Variants in TBX15 observed in about 807,000 individuals in gnomAD.
TBX15 encodes T-box transcription factor 15, also known as T-box transcription factor TBX15.
In TBX15, 18 loss-of-function variants were observed where a neutral mutation model predicts 53.9. That is an observed-to-expected ratio of 0.33 (90% CI 0.23 to 0.49). The LOEUF is 0.49. Among genes scored for constraint, TBX15 ranks in the 20% least tolerant of loss-of-function variants. The pLI, the probability that TBX15 is intolerant of heterozygous loss-of-function variation, is 0.98. For synonymous variants in TBX15, 295 were observed against 278.0 expected, an observed-to-expected ratio of 1.06 and a Z score of -0.61; for missense variants, 692 against 749.5, an observed-to-expected ratio of 0.92 and a Z score of 0.90.
At chr1:118,914,013 A>G (rs1391601134) in intron 6 of TBX15, 102 bp downstream of exon 6, 37 of 1,138,812 alleles carry the variant, frequency 3.2e-5, no homozygotes, top group Non-Finnish European at 4.9e-5. Flanking sequence ...GTGGCGGAGC[A>G]TACAGGTGTT....
At chr1:118,964,803 C>T (rs1656989945) in intron 1 of TBX15, among the ~76,000 whole-genome samples, 1 of 152,194 alleles carries the variant, frequency 6.6e-6, no homozygotes, top group African/African-American at 2.4e-5. Flanking sequence ...GTGGGAATAG[C>T]CAGCTGGAGT....
chr1:118,986,110 A>T (rs78424588), intron 1 of TBX15, among the ~76,000 whole-genome samples: 2,172 of 152,356 alleles, frequency 0.014, 44 homozygotes, highest in African/African-American at 0.05. Flanking sequence ...GGGAAAATAA[A>T]AGAACCTTAC....
At chr1:118,958,188 A>G (rs1204594247) in intron 1 of TBX15, among the ~76,000 whole-genome samples, 1 of 152,204 alleles carries the variant, frequency 6.6e-6, no homozygotes, top group Non-Finnish European at 1.5e-5. Flanking sequence ...ATGAAGTCAT[A>G]AGGGTAGGGG....
chr1:118,886,150 A>G (rs140486345), intron 7 of TBX15, among the ~76,000 whole-genome samples: 1 of 152,302 alleles, frequency 6.6e-6, no homozygotes, highest in African/African-American at 2.4e-5. Context: ...TGGGAACACA[A>G]TTATAAGAGC....
Position 118,885,168 on chromosome 1 carries a change from C to T in TBX15, c.1373G>A (p.Gly458Asp), listed in dbSNP as rs1434881935. ...ACCGTAGGCTTCCATCTTGCTGTTG[C>T]CAGGCAACGAGGGAGGAGTTGGTAT... is the stretch of plus-strand genomic sequence containing the variant. Reference protein sequence around the residue: ...SGIPTPPSLPGNSKMEAYGGQ... With the variant: ...SGIPTPPSLPDNSKMEAYGGQ... The change falls in exon 8 of 8, where the codon GGC (glycine) becomes GAC (aspartate). Residue 458 changes from glycine (G) to aspartate (D), a missense_variant. This residue lies in a region of TBX15 where 375 missense variants were observed against 371.6 expected (regional missense o/e 1.01). Transcript: ENST00000369429. The T allele has an allele frequency of 1.9e-6, 3 of 1,614,142 alleles. No individual in the cohort carries two copies. Among genetic ancestry groups the T allele is most frequent in the Admixed American group, 1.7e-5 (1 of 60,018 alleles).
intron 6 of TBX15, among the ~76,000 whole-genome samples, chr1:118,906,100 A>G (rs1654813657): frequency 6.6e-6 from 1 of 152,236 alleles, no homozygotes; most frequent in South Asian, 2.1e-4. Flanking sequence ...AACTTGGACC[A>G]CAGATACTCT....
intron 5 of TBX15, among the ~76,000 whole-genome samples, chr1:118,916,810 G>C (rs758521053): frequency 3.3e-5 from 5 of 151,972 alleles, no homozygotes; most frequent in Non-Finnish European, 5.9e-5. Context: ...GAGCTATGGT[G>C]AGCTACGATT....
chr1:118,912,412 C>G (rs889269470), intron 6 of TBX15, among the ~76,000 whole-genome samples: 4 of 151,966 alleles, frequency 2.6e-5, no homozygotes, highest in African/African-American at 9.7e-5. Flanking sequence ...ATATCTGGAA[C>G]CCCTGAAAAA....
intron 1 of TBX15, among the ~76,000 whole-genome samples, chr1:118,963,801 A>T (rs1656953330): frequency 6.6e-6 from 1 of 152,214 alleles, no homozygotes. Context: ...TAGTAACATG[A>T]CTTGCTTTAG....
intron 1 of TBX15, among the ~76,000 whole-genome samples, chr1:118,984,711 C>T (rs1052219632): frequency 6.6e-6 from 1 of 152,214 alleles, no homozygotes; most frequent in Non-Finnish European, 1.5e-5. Flanking sequence ...GTGAGGGTAC[C>T]TCACAGACCC....
intron 7 of TBX15, chr1:118,890,947 T>G: frequency 2.3e-6 from 3 of 1,304,028 alleles, no homozygotes; most frequent in Non-Finnish European, 3.0e-6. Flanking sequence ...TGTGTATCCT[T>G]GAGAAGTCTT....
intron 7 of TBX15, among the ~76,000 whole-genome samples, chr1:118,893,717 CT>C (rs1654299295): frequency 6.6e-6 from 1 of 152,118 alleles, no homozygotes; most frequent in African/African-American, 2.4e-5. Context: ...AACTTATTTT[CT>C]TCTTTTTTCT....
chr1:118,924,724 A>G lies in TBX15; in HGVS notation c.615T>C (p.Ser205=). 6.2e-7 allele frequency: 1 copy of G among 1,614,088 alleles called. No individual in the cohort carries two copies. The highest frequency in any genetic ancestry group is 8.5e-7 in the Non-Finnish European group (1 of 1,179,988). ...RVYIHPDSLA[S]GDTWMRQVVS... is the part of the protein sequence containing the mutation. ...CCACCTGTCTCATCCAGGTGTCTCCAGAAGCTAGAGAATCAGGGTGTATAT... is the reference window on the plus strand; with the variant it reads ...CCACCTGTCTCATCCAGGTGTCTCCGGAAGCTAGAGAATCAGGGTGTATAT... The change falls in exon 4 of 8, where the codon TCT becomes TCC. Residue 205 remains serine, a synonymous_variant. Coordinates refer to ENST00000369429, the MANE Select transcript of TBX15 (RefSeq NM_001330677.2).
chr1:118,918,496 T>C (rs1325067501), intron 5 of TBX15, among the ~76,000 whole-genome samples: 2 of 152,108 alleles, frequency 1.3e-5, no homozygotes, highest in African/African-American at 4.8e-5. Context: ...CCTATACTAA[T>C]AGAACAAGGT....
chr1:118,891,069 A>C, intron 7 of TBX15: 1 of 446,360 alleles, frequency 2.2e-6, no homozygotes, highest in Non-Finnish European at 3.5e-6. Flanking sequence ...GTTCATCTCA[A>C]CAAAAGAATT....
At chr1:118,892,337 G>T (rs1654174500) in intron 7 of TBX15, among the ~76,000 whole-genome samples, 2 of 152,298 alleles carry the variant, frequency 1.3e-5, no homozygotes, top group African/African-American at 4.8e-5. Context: ...GGAAGATAAT[G>T]TACAGAATAG....
intron 1 of TBX15, among the ~76,000 whole-genome samples, chr1:118,985,730 T>G (rs1657808564): frequency 6.6e-6 from 1 of 152,228 alleles, no homozygotes; most frequent in South Asian, 2.1e-4. Flanking sequence ...GATAACGTAA[T>G]GGGAAATGAC....
intron 1 of TBX15, among the ~76,000 whole-genome samples, chr1:118,942,622 C>T: frequency 6.6e-6 from 1 of 152,172 alleles, no homozygotes; most frequent in East Asian, 1.9e-4. Flanking sequence ...CCAGCTTTTC[C>T]TTGCATGACT....
chr1:118,970,382 G>C (rs931197332), intron 1 of TBX15, among the ~76,000 whole-genome samples: 3 of 152,058 alleles, frequency 2.0e-5, no homozygotes, highest in Admixed American at 6.6e-5. Flanking sequence ...TGCCACTGTG[G>C]GCATACTAGC....
Sources: allele counts gnomAD v4.1 joint callset (sites outside exome capture counted in the v4.1 genomes callset), GRCh38; gene constraint gnomAD v4.1.1; regional missense constraint gnomAD v4.1.1; transcripts MANE v1.5; gene names NCBI Gene and HGNC (gene_info 2026-07-23, HGNC 2026-07-21).